OR6J1: variants seen among roughly 807,000 people sequenced by gnomAD.
OR6J1 encodes the protein olfactory receptor 6J1.
For synonymous variants in OR6J1, 109 were observed against 70.0 expected (o/e 1.56, Z -2.78); for missense variants, 304 against 166.8 (o/e 1.82, Z -4.53).
intron 1 of OR6J1, among the ~76,000 whole-genome samples, chr14:22,640,244 A>AGGAAGGATGGAAGGAAGGAT (rs1177182869): frequency 3.0e-5 from 3 of 99,424 alleles, no homozygotes; most frequent in East Asian, 3.3e-4. Flanking sequence ...GAAGGATGGA[A>AGGAAGGATGGAAGGAAGGAT]GGAAGGAAGG....
rs2037615281 is a variant in OR6J1 at position 22,638,669 on chromosome 14, A to AAT, written c.-27-3832_-27-3831insAT. ...ATCAATAAAAAAAATAAAAATAAAA[A>AAT]AAAAATAAAAAAAATTAAGACACTA... is the stretch of plus-strand genomic sequence containing the variant. On this transcript the variant is annotated intron_variant, in intron 1 of 1. Transcript: ENST00000540461. Among the ~76,000 whole-genome samples the AAT allele has an allele frequency of 2.5e-4, 12 of 47,406 alleles. 2 individuals carry two copies. Among genetic ancestry groups the AAT allele is most frequent in the African/African-American group, 7.3e-4 (3 of 4,098 alleles). The allele number at this position is 47,406 out of a possible 152,430, so 31.1% of individuals were successfully genotyped here.
intron 1 of OR6J1, among the ~76,000 whole-genome samples, chr14:22,636,583 G>GTTT (rs1294229102): frequency 8.9e-6 from 1 of 112,498 alleles, no homozygotes; most frequent in African/African-American, 5.2e-5. Flanking sequence ...ACTGGTTTTC[G>GTTT]TTTTTTTTTT....
intron 1 of OR6J1, among the ~76,000 whole-genome samples, chr14:22,636,841 C>A (rs1198972063): frequency 8.5e-6 from 1 of 117,656 alleles, no homozygotes. Context: ...GCCACCCCGT[C>A]TGGGAAGTGA....
At position 22,633,580 on chromosome 14, in the gene OR6J1, C is replaced by T. The variant is rs1007977156; in HGVS notation, c.*188G>A. ...GGATGGGGCTTAGAGATCATCAAGT[C>T]CAGCCCTGTTGCACTTCAGCTGAGA... On this transcript the variant is annotated 3_prime_UTR_variant, in exon 2 of 2. Transcript: ENST00000540461. The T allele has an allele frequency of 1.0e-5, 6 of 575,978 alleles. No homozygotes were observed. The East Asian group carries it at 1.7e-4, about 16-fold the overall frequency. The allele number at this position is 575,978 out of a possible 1,614,324, so 35.7% of individuals were successfully genotyped here. A position where few individuals can be genotyped will look rare whatever the true frequency, so the allele number is the denominator to read the frequency against.
chr14:22,640,240 T>A lies in OR6J1; in HGVS notation c.-28+3858A>T, dbSNP rs78918053. 7.3e-3 allele frequency among the ~76,000 whole-genome samples: 411 copies of A among 56,506 alleles called. 9 individuals carry two copies. Among genetic ancestry groups the A allele is most frequent in the African/African-American group, 0.026 (357 of 13,516 alleles). 37.1% of individuals were successfully genotyped at this position (56,506 alleles called of 152,430 possible). ...AGGGAGGGAGGGAGGGAAGGAAGGA[T>A]GGAAGGAAGGAAGGAAGCAAGGAAG... On this transcript the variant is annotated intron_variant, in intron 1 of 1. Transcript: ENST00000540461.
intron 1 of OR6J1, among the ~76,000 whole-genome samples, chr14:22,641,941 G>A (rs919373281): frequency 2.6e-5 from 4 of 152,114 alleles, no homozygotes; most frequent in Non-Finnish European, 5.9e-5. Context: ...GATAGCAGAG[G>A]CCACGTAATT....
rs1350114035 is a variant in OR6J1 at position 22,633,888 on chromosome 14, T to G, written c.924A>C (p.Arg308=). 1 of 702,768 alleles carries G rather than the reference T, an allele frequency of 1.4e-6. No individual in the cohort carries two copies. The highest frequency in any genetic ancestry group is 2.6e-6 in the Non-Finnish European group (1 of 384,868). 43.5% of individuals were successfully genotyped at this position (702,768 alleles called of 1,614,324 possible). A position where few individuals can be genotyped will look rare whatever the true frequency, so the allele number is the denominator to read the frequency against. ...CCCTCATCCTCTTTTCAAAAACTCC[T>G]CGAACCCTGACCCACACATCCCTGA... ...GVLRDVWVRV[R]GVFEKRMRAV... The change falls in exon 2 of 2, where the codon CGA becomes CGC. Residue 308 remains arginine (R), a synonymous_variant. Coordinates refer to ENST00000540461, the MANE Select transcript of OR6J1 (RefSeq NM_001348233.2).
intron 1 of OR6J1, among the ~76,000 whole-genome samples, chr14:22,641,974 G>C (rs2037656286): frequency 6.6e-6 from 1 of 152,074 alleles, no homozygotes; most frequent in South Asian, 2.1e-4. Flanking sequence ...GAAGAATATG[G>C]ATTGGACTAG....
At position 22,632,358 on chromosome 14, in the gene OR6J1, G is replaced by A. The variant is rs1594900258; in HGVS notation, c.*1410C>T. On this transcript the variant is annotated 3_prime_UTR_variant, in exon 2 of 2. Coordinates refer to ENST00000540461, the MANE Select transcript of OR6J1 (RefSeq NM_001348233.2). The stretch of plus-strand genomic sequence containing the variant: ...CGATGTGGGCAGATCACGAGTTCAG[G>A]AGATCGAGACCATCCTGGCTAACAC... 6.6e-6 allele frequency: 1 copy of A among 152,214 alleles called. No individual in the cohort carries two copies. The highest frequency in any genetic ancestry group is 2.1e-4 in the South Asian group (1 of 4,824). The allele number at this position is 152,214 out of a possible 1,614,324, so 9.4% of individuals were successfully genotyped here. A position where few individuals can be genotyped will look rare whatever the true frequency, so the allele number is the denominator to read the frequency against.
At chr14:22,638,934 C>T (rs1566396504) in intron 1 of OR6J1, among the ~76,000 whole-genome samples, 1 of 116,690 alleles carries the variant, frequency 8.6e-6, no homozygotes, top group Non-Finnish European at 1.7e-5. Context: ...CTCTGCCCGG[C>T]CGCCCATCGT....
At chr14:22,643,758 CACACACAGAGAGAG>C (rs1377765450) in intron 1 of OR6J1, among the ~76,000 whole-genome samples, 99 of 60,708 alleles carry the variant, frequency 1.6e-3, no homozygotes, top group African/African-American at 5.7e-3. Context: ...CACACACACA[CACACACAGAGAGAG>C]AGAGAGAGAG....
intron 1 of OR6J1, among the ~76,000 whole-genome samples, chr14:22,642,737 A>C (rs2037661448): frequency 6.6e-6 from 1 of 152,162 alleles, no homozygotes; most frequent in Admixed American, 6.6e-5. Flanking sequence ...CATATAAATG[A>C]ATCATACCAT....
Position 22,634,249 on chromosome 14 carries a change from C to A in OR6J1, c.563G>T (p.Cys188Phe), listed in dbSNP as rs1402035738. 2.8e-6 allele frequency: 2 copies of A among 703,358 alleles called. No individual in the cohort carries two copies. The highest frequency in any genetic ancestry group is 2.6e-6 in the Non-Finnish European group (1 of 385,000). The allele number at this position is 703,358 out of a possible 1,614,324, so 43.6% of individuals were successfully genotyped here. The change falls in exon 2 of 2, where the codon TGT (cysteine) becomes TTT (phenylalanine). Residue 188 changes from cysteine (C) to phenylalanine (F), a missense_variant. By Grantham distance (205) the Cys-to-Phe change is radical (BLOSUM62 -2). Transcript: ENST00000540461. ...CAGCTCGATGGCAGTGGTGTCTGCA[C>A]AGGCCAGGGCCAGCAAGGGTCCACT... Reference protein sequence around the residue: ...CDSGPLLALACADTTAIELMD... With the variant: ...CDSGPLLALAFADTTAIELMD...
At chr14:22,639,264 C>T (rs2037623359) in intron 1 of OR6J1, among the ~76,000 whole-genome samples, 1 of 127,992 alleles carries the variant, frequency 7.8e-6, no homozygotes, top group South Asian at 2.3e-4. Flanking sequence ...AGGCCAGCCG[C>T]CCCGTCCGGG....
chr14:22,639,373 C>A (rs1294652367), intron 1 of OR6J1, among the ~76,000 whole-genome samples: 1 of 127,574 alleles, frequency 7.8e-6, no homozygotes, highest in African/African-American at 3.5e-5. Context: ...GGGGGTCAGC[C>A]CCCCGCCCGG....
chr14:22,642,343 A>C (rs1471576403), intron 1 of OR6J1, among the ~76,000 whole-genome samples: 4 of 83,678 alleles, frequency 4.8e-5, no homozygotes, highest in Non-Finnish European at 7.4e-5. Context: ...ATATATATAT[A>C]TATATATATA....
Position 22,634,773 on chromosome 14 carries a change from C to G in OR6J1, c.39G>C (p.Leu13=). Residue 13 remains leucine, a synonymous_variant, in exon 2 of 2, where the codon CTG becomes CTC. Coordinates refer to ENST00000540461, the MANE Select transcript of OR6J1 (RefSeq NM_001348233.2). ...CCTCCCTGCTCAGGGAAAACCCCAGCAGAACAAACTCAGTCACCGCTGCAG... is the reference window on the plus strand; with the variant it reads ...CCTCCCTGCTCAGGGAAAACCCCAGGAGAACAAACTCAGTCACCGCTGCAG... The part of the protein sequence containing the change: ...NWTAAVTEFV[L]LGFSLSREVE... 1 of 701,520 alleles carries G rather than the reference C, an allele frequency of 1.4e-6. No homozygotes were observed. The highest frequency in any genetic ancestry group is 2.6e-6 in the Non-Finnish European group (1 of 383,984). The allele number at this position is 701,520 out of a possible 1,614,324, so 43.5% of individuals were successfully genotyped here. A position where few individuals can be genotyped will look rare whatever the true frequency, so the allele number is the denominator to read the frequency against.
Position 22,633,561 on chromosome 14 carries a change from G to T in OR6J1, c.*207C>A. ...TTCTTACAATATTCAGTGTGGATGG[G>T]GCTTAGAGATCATCAAGTCCAGCCC... On this transcript the variant is annotated 3_prime_UTR_variant, in exon 2 of 2. Transcript: ENST00000540461. The T allele has an allele frequency of 1.8e-6, 1 of 554,978 alleles. No homozygotes were observed. The highest frequency in any genetic ancestry group is 3.2e-6 in the Non-Finnish European group (1 of 315,196). 34.4% of individuals were successfully genotyped at this position (554,978 alleles called of 1,614,324 possible).
chr14:22,637,113 GA>G (rs2037594607), intron 1 of OR6J1, among the ~76,000 whole-genome samples: 1 of 116,910 alleles, frequency 8.6e-6, no homozygotes, highest in African/African-American at 5.4e-5. Flanking sequence ...AACCCTGTCT[GA>G]GAGGTGAGGA....
Sources: gnomAD v4.1 joint callset for allele counts (sites outside exome capture counted in the v4.1 genomes callset) on GRCh38, gnomAD v4.1.1 for gene constraint, MANE v1.5 for transcripts, NCBI Gene and HGNC (gene_info 2026-07-23, HGNC 2026-07-21) for gene names.